The following OPCML variants were observed in gnomAD, a reference collection of about 807,000 sequenced individuals.
The protein encoded by OPCML is opioid binding protein/cell adhesion molecule like.
Under a neutral mutation model 37.8 loss-of-function variants are expected in OPCML, and 13 were observed. That is an observed-to-expected ratio of 0.34 (90% CI 0.22 to 0.55). OPCML has a LOEUF of 0.55. Among genes scored for constraint, OPCML ranks in the 20% least tolerant of loss-of-function variants. The pLI is 0.91. For synonymous variants in OPCML, 176 were observed against 168.8 expected, an observed-to-expected ratio of 1.04 and a Z score of -0.33; for missense variants, 341 against 435.6, an observed-to-expected ratio of 0.78 and a Z score of 1.93.
intron 2 of OPCML, among the ~76,000 whole-genome samples, chr11:132,666,459 A>C (rs3019871): frequency 0.51 from 78,190 of 151,870 alleles, 20,261 homozygotes; most frequent in Middle Eastern, 0.59. Context: ...AAACACCCCC[A>C]ACCAAGCCCC....
chr11:132,962,029 C>G (rs1946102802), intron 1 of OPCML, among the ~76,000 whole-genome samples: 2 of 152,256 alleles, frequency 1.3e-5, no homozygotes, highest in Non-Finnish European at 2.9e-5. Context: ...GTCCAGGACA[C>G]TTTCTCTTTG....
intron 2 of OPCML, among the ~76,000 whole-genome samples, chr11:132,713,234 G>A (rs202170001): frequency 6.6e-6 from 1 of 152,078 alleles, no homozygotes; most frequent in Non-Finnish European, 1.5e-5. Context: ...TTTATTTGCC[G>A]ATTCATTAAT....
intron 1 of OPCML, among the ~76,000 whole-genome samples, chr11:133,372,073 T>C (rs1161283492): frequency 1.3e-5 from 2 of 151,912 alleles, no homozygotes; most frequent in African/African-American, 4.8e-5. Context: ...AAAGATACAT[T>C]TAGATGGAAG....
chr11:132,597,582 A>C (rs79456221), intron 3 of OPCML, among the ~76,000 whole-genome samples: 12,188 of 152,220 alleles, frequency 0.08, 934 homozygotes, highest in African/African-American at 0.19. Context: ...AACAATTGAC[A>C]GTGACTACTG....
At chr11:133,171,057 C>T (rs1565484491) in intron 1 of OPCML, among the ~76,000 whole-genome samples, 1 of 152,198 alleles carries the variant, frequency 6.6e-6, no homozygotes, top group South Asian at 2.1e-4. Context: ...ACCTCACCAG[C>T]AAGACAGCTG....
At chr11:132,789,394 T>C (rs1276190819) in intron 2 of OPCML, among the ~76,000 whole-genome samples, 1 of 152,056 alleles carries the variant, frequency 6.6e-6, no homozygotes, top group Non-Finnish European at 1.5e-5. Flanking sequence ...TGCCAATATA[T>C]TGGGAAGTCA....
At chr11:132,767,686 G>A (rs1267723284) in intron 2 of OPCML, among the ~76,000 whole-genome samples, 1 of 152,090 alleles carries the variant, frequency 6.6e-6, no homozygotes, top group Non-Finnish European at 1.5e-5. Flanking sequence ...AGGTGTACTT[G>A]TTCACTTAAT....
intron 1 of OPCML, chr11:133,066,274 C>A (rs936021137): frequency 1.3e-5 from 2 of 152,280 alleles, no homozygotes; most frequent in Admixed American, 1.3e-4. Context: ...ACCACAGCCA[C>A]TTCCCCAATT....
chr11:132,556,937 C>A (rs1007607284), intron 3 of OPCML, among the ~76,000 whole-genome samples: 10 of 152,128 alleles, frequency 6.6e-5, no homozygotes, highest in African/African-American at 2.4e-4. Context: ...TTTTGAAACC[C>A]ATGAGGAAGA....
intron 1 of OPCML, among the ~76,000 whole-genome samples, chr11:133,524,921 A>G (rs1313639572): frequency 6.6e-6 from 1 of 152,204 alleles, no homozygotes; most frequent in Non-Finnish European, 1.5e-5. Context: ...TGCCTAAAGT[A>G]AGTGAGCACT....
chr11:133,379,323 C>T (rs1237164632), intron 1 of OPCML, among the ~76,000 whole-genome samples: 1 of 152,302 alleles, frequency 6.6e-6, no homozygotes, highest in East Asian at 1.9e-4. Context: ...CACCCCTGTG[C>T]GTCTGATCAT....
intron 1 of OPCML, among the ~76,000 whole-genome samples, chr11:133,394,709 C>G (rs1256633820): frequency 2.6e-5 from 4 of 152,206 alleles, no homozygotes; most frequent in Admixed American, 2.0e-4. Context: ...ACCTCCAGTT[C>G]CATCCATGCT....
intron 1 of OPCML, among the ~76,000 whole-genome samples, chr11:133,147,959 A>G (rs1446624071): frequency 6.6e-6 from 1 of 152,076 alleles, no homozygotes; most frequent in Non-Finnish European, 1.5e-5. Flanking sequence ...CCTCCTGCCC[A>G]TCTCTCATCC....
chr11:133,230,238 A>AG (rs1940217832), intron 1 of OPCML, among the ~76,000 whole-genome samples: 1 of 152,190 alleles, frequency 6.6e-6, no homozygotes, highest in South Asian at 2.1e-4. Flanking sequence ...TTCAGTGGAA[A>AG]GGGGAACACT....
chr11:133,339,764 C>T (rs1465579470), intron 1 of OPCML, among the ~76,000 whole-genome samples: 1 of 152,196 alleles, frequency 6.6e-6, no homozygotes, highest in East Asian at 1.9e-4. Flanking sequence ...CCATGACCTA[C>T]CTTGTTATGA....
At chr11:132,577,523 C>A (rs1419347077) in intron 3 of OPCML, among the ~76,000 whole-genome samples, 1 of 152,074 alleles carries the variant, frequency 6.6e-6, no homozygotes, top group Admixed American at 6.6e-5. Context: ...GCAATGCTTC[C>A]ACATCCCTGG....
chr11:132,693,080 C>A (rs1202316226), intron 2 of OPCML, among the ~76,000 whole-genome samples: 1 of 152,152 alleles, frequency 6.6e-6, no homozygotes, highest in African/African-American at 2.4e-5. Flanking sequence ...TGGCTCTTTG[C>A]CCAGAAGGAT....
chr11:133,368,235 A>G (rs959279969), intron 1 of OPCML, among the ~76,000 whole-genome samples: 18 of 66,462 alleles, frequency 2.7e-4, no homozygotes, highest in African/African-American at 1.9e-3. Context: ...ATAGAGAAGG[A>G]AAAGGTGAGG....
chr11:132,615,824 CT>C (rs1938970998), intron 3 of OPCML, among the ~76,000 whole-genome samples: 1 of 151,912 alleles, frequency 6.6e-6, no homozygotes, highest in South Asian at 2.1e-4. Context: ...GGAAAAGAAC[CT>C]GTAGAGAAGA....
Sources: allele counts gnomAD v4.1 joint callset (sites outside exome capture counted in the v4.1 genomes callset), GRCh38; gene constraint gnomAD v4.1.1; transcripts MANE v1.5; gene names NCBI Gene and HGNC (gene_info 2026-07-23, HGNC 2026-07-21).